The following TAOK3 variants were observed in gnomAD, a reference collection of about 807,000 sequenced individuals.
TAOK3 encodes the protein serine/threonine-protein kinase TAO3.
Under a neutral mutation model 120.4 loss-of-function variants are expected in TAOK3, and 40 were observed. The ratio of observed to expected loss-of-function variants is 0.33; its 90% CI spans 0.26 to 0.43. The LOEUF is 0.43. Ranked by LOEUF, TAOK3 falls within the 20% of genes least tolerant of loss-of-function variation. The pLI, the probability that TAOK3 is intolerant of heterozygous loss-of-function variation, is 1.00. For missense variants in TAOK3, 821 were observed against 1,112.1 expected (o/e 0.74, Z 3.72); for synonymous variants, 355 against 387.5 (o/e 0.92, Z 0.99).
intron 9 of TAOK3, among the ~76,000 whole-genome samples, chr12:118,215,340 A>AAAAAAAAAAG (rs2038844269): frequency 1.3e-5 from 2 of 149,198 alleles, no homozygotes; most frequent in Admixed American, 1.3e-4. Context: ...CAAAAAAAAA[A>AAAAAAAAAAG]AAAAAAAAGA....
chr12:118,184,568 A>G (rs1468730230), intron 14 of TAOK3, among the ~76,000 whole-genome samples: 1 of 152,216 alleles, frequency 6.6e-6, no homozygotes, highest in Non-Finnish European at 1.5e-5. Flanking sequence ...AATTCATATC[A>G]CCAAGGCAGA....
intron 14 of TAOK3, among the ~76,000 whole-genome samples, chr12:118,183,425 T>C (rs1416768796): frequency 6.6e-6 from 1 of 152,174 alleles, no homozygotes; most frequent in Non-Finnish European, 1.5e-5. Flanking sequence ...AGGATAATAC[T>C]CTTTCAAGTA....
intron 1 of TAOK3, among the ~76,000 whole-genome samples, chr12:118,324,985 ATCCGCCCGCC>A (rs2043876211): frequency 6.6e-6 from 1 of 151,714 alleles, no homozygotes; most frequent in Non-Finnish European, 1.5e-5. Context: ...TGACCTTGTG[ATCCGCCCGCC>A]TCGGCCTCCC....
chr12:118,170,049 C>A (rs1227364367), intron 17 of TAOK3, among the ~76,000 whole-genome samples: 1 of 152,180 alleles, frequency 6.6e-6, no homozygotes, highest in Non-Finnish European at 1.5e-5. Flanking sequence ...ATGTCAAGTC[C>A]TGTTTACTTT....
chr12:118,270,973 G>A (rs527412690), intron 1 of TAOK3, among the ~76,000 whole-genome samples: 5 of 152,004 alleles, frequency 3.3e-5, no homozygotes, highest in South Asian at 4.2e-4. Context: ...CACCACGCCC[G>A]GCTAAATGTC....
chr12:118,205,929 T>TC (rs1249334055), intron 11 of TAOK3, among the ~76,000 whole-genome samples: 12 of 111,966 alleles, frequency 1.1e-4, no homozygotes, highest in Non-Finnish European at 1.5e-4. Context: ...TCTCTCTCTC[T>TC]TTTTTTTTTT....
intron 1 of TAOK3, among the ~76,000 whole-genome samples, chr12:118,357,947 C>T (rs2045462717): frequency 6.6e-6 from 1 of 152,188 alleles, no homozygotes; most frequent in Non-Finnish European, 1.5e-5. Flanking sequence ...CACTGCAATG[C>T]TTCTTAAATG....
At chr12:118,258,973 T>G (rs2041110041) in intron 2 of TAOK3, among the ~76,000 whole-genome samples, 1 of 152,028 alleles carries the variant, frequency 6.6e-6, no homozygotes, top group Non-Finnish European at 1.5e-5. Flanking sequence ...TGCTATGGAT[T>G]TGGGGGGAAA....
chr12:118,229,112 T>G (rs962111773), intron 9 of TAOK3, among the ~76,000 whole-genome samples: 1 of 151,712 alleles, frequency 6.6e-6, no homozygotes, highest in African/African-American at 2.4e-5. Context: ...CCTTTTTTTT[T>G]TGGGGGGGAC....
intron 14 of TAOK3, among the ~76,000 whole-genome samples, chr12:118,182,441 A>C (rs1261645883): frequency 1.3e-5 from 2 of 151,652 alleles, no homozygotes; most frequent in African/African-American, 4.9e-5. Flanking sequence ...GTTTAGCAGC[A>C]TCCCTGGCCT....
chr12:118,252,314 G>T (rs1166692871), intron 3 of TAOK3, among the ~76,000 whole-genome samples: 2 of 152,104 alleles, frequency 1.3e-5, no homozygotes, highest in Admixed American at 6.5e-5. Context: ...TCAAAACTAA[G>T]CAAAACCAAT....
chr12:118,335,184 C>CAA (rs199691925), intron 1 of TAOK3, among the ~76,000 whole-genome samples: 41 of 92,570 alleles, frequency 4.4e-4, no homozygotes, highest in Non-Finnish European at 7.3e-4. Flanking sequence ...AACTATGTCT[C>CAA]AAAAAAAAAA....
At position 118,255,481 on chromosome 12, in the gene TAOK3, T is replaced by G. The variant is rs763595558; in HGVS notation, c.87A>C (p.Glu29Asp). The stretch of plus-strand genomic sequence containing the variant: ...CTGCTCCAAAACTTCCATGTCCAAT[T>G]TCATGCAAACCAATAAAAAGTTCCT... ...DPEELFIGLH[E>D]IGHGSFGAVY... The change falls in exon 3 of 21, where the codon GAA (glutamate) becomes GAC (aspartate). Residue 29 changes from glutamate (E) to aspartate (D), a missense_variant. By Grantham distance (45) the Glu-to-Asp change is conservative. Around this residue, in one of 2 missense-constraint regions of TAOK3, gnomAD observed 467 missense variants for 540.0 expected, o/e 0.86. Transcript: ENST00000392533. 2.5e-6 allele frequency: 4 copies of G among 1,614,104 alleles called. No homozygotes were observed. The highest frequency in any genetic ancestry group is 3.4e-6 in the Non-Finnish European group (4 of 1,180,026).
rs188082204 is a variant in TAOK3 at position 118,291,756 on chromosome 12, G to A, written c.-193-24997C>T. Among the ~76,000 whole-genome samples, 375 of 152,094 alleles carry A rather than the reference G, an allele frequency of 2.5e-3. 7 individuals are homozygous for A. Among genetic ancestry groups the A allele is most frequent in the Non-Finnish European group, 3.1e-3 (214 of 68,002 alleles). Reference sequence around the variant, plus strand: ...AACATTTATAAACCCCCTTGCAGTCGGAGTCTAGTCTATGTTATTTTTAAA... The same window carrying A: ...AACATTTATAAACCCCCTTGCAGTCAGAGTCTAGTCTATGTTATTTTTAAA... On this transcript the variant is annotated intron_variant, in intron 1 of 20. Transcript: ENST00000392533.
intron 1 of TAOK3, among the ~76,000 whole-genome samples, chr12:118,348,599 C>T (rs1007523158): frequency 7.9e-5 from 12 of 151,602 alleles, no homozygotes; most frequent in Admixed American, 5.9e-4. Flanking sequence ...TACAGGTGCC[C>T]GCCACCACGC....
In TAOK3 at chr12:118,288,548, A is replaced by C. The variant is rs144720802; in HGVS notation, c.-193-21789T>G. Among the ~76,000 whole-genome samples, 29 of 152,302 alleles carry C rather than the reference A, an allele frequency of 1.9e-4. No homozygotes were observed. The East Asian group carries it at 3.9e-3, about 20-fold the overall frequency. ...CCAACCTCCAAAACTGTGAGAAAGT[A>C]AATTTTATTTCACCACAGAACTGTA... On this transcript the variant is annotated intron_variant, in intron 1 of 20. Coordinates refer to ENST00000392533, the MANE Select transcript of TAOK3 (RefSeq NM_016281.4).
intron 1 of TAOK3, among the ~76,000 whole-genome samples, chr12:118,338,874 A>G (rs2044482631): frequency 6.7e-6 from 1 of 148,948 alleles, no homozygotes; most frequent in Non-Finnish European, 1.5e-5. Flanking sequence ...GGCTTTAAAG[A>G]TGTGATCTTT....
At chr12:118,290,175 T>C (rs577107302) in intron 1 of TAOK3, among the ~76,000 whole-genome samples, 8 of 152,266 alleles carry the variant, frequency 5.3e-5, no homozygotes, top group Middle Eastern at 6.8e-3. Flanking sequence ...ATCCTCATCA[T>C]GTACAGGATG....
chr12:118,344,128 C>T (rs2044751043), intron 1 of TAOK3, among the ~76,000 whole-genome samples: 1 of 150,908 alleles, frequency 6.6e-6, no homozygotes, highest in African/African-American at 2.4e-5. Flanking sequence ...GACTTCAATG[C>T]TGTTTCTTTT....
Sources: gnomAD v4.1 joint callset for allele counts (sites outside exome capture counted in the v4.1 genomes callset) on GRCh38, gnomAD v4.1.1 for gene constraint, gnomAD v4.1.1 regional missense constraint, MANE v1.5 for transcripts, NCBI Gene and HGNC (gene_info 2026-07-23, HGNC 2026-07-21) for gene names.